RSPRY1: variants seen among roughly 807,000 people sequenced by gnomAD.
RSPRY1 encodes the protein RING finger and SPRY domain-containing protein 1.
In RSPRY1, 23 loss-of-function variants were observed where a neutral mutation model predicts 73.1. That is an observed-to-expected ratio of 0.31 (90% CI 0.23 to 0.45). The LOEUF (loss-of-function observed/expected upper bound fraction) is 0.45, where lower values mean the gene tolerates loss of function less well. RSPRY1 is among the 20% of genes least tolerant of loss of function. The pLI, the probability that RSPRY1 is intolerant of heterozygous loss-of-function variation, is 1.00. For synonymous variants in RSPRY1, 226 were observed against 251.4 expected (o/e 0.90, Z 0.95); for missense variants, 448 against 698.7 (o/e 0.64, Z 4.05).
intron 3 of RSPRY1, among the ~76,000 whole-genome samples, chr16:57,208,400 A>ATTTT (rs1455912780): frequency 4.4e-4 from 22 of 50,110 alleles, no homozygotes; most frequent in South Asian, 7.9e-4. Context: ...ATATATATAT[A>ATTTT]TTTTTTTTTT....
intron 8 of RSPRY1, chr16:57,220,334 TTATAGTTTTCATTG>T: frequency 6.1e-6 from 1 of 163,492 alleles, no homozygotes; most frequent in Non-Finnish European, 1.3e-5. Flanking sequence ...CATTAGTGTT[TTATAGTTTTCATTG>T]TAGAGATCTT....
intron 1 of RSPRY1, among the ~76,000 whole-genome samples, chr16:57,187,868 T>C (rs990275473): frequency 3.3e-5 from 5 of 152,230 alleles, no homozygotes; most frequent in African/African-American, 1.2e-4. Flanking sequence ...TACTTTGAAC[T>C]TCTTATGGTG....
chr16:57,216,305 G>T, intron 7 of RSPRY1, 132 bp downstream of exon 7: 1 of 681,502 alleles, frequency 1.5e-6, no homozygotes, highest in Non-Finnish European at 2.6e-6. Context: ...CATCTGGATA[G>T]ACACGTTAAA....
Position 57,233,674 on chromosome 16 carries a change from G to A in RSPRY1, c.1530-1450G>A, listed in dbSNP as rs1368472612. Among the ~76,000 whole-genome samples the A allele has an allele frequency of 5.9e-5, 9 of 152,104 alleles. No individual in the cohort carries two copies. The East Asian group carries it at 7.7e-4, about 13-fold the overall frequency. On this transcript the variant is annotated intron_variant, in intron 13 of 14. Transcript: ENST00000394420. The stretch of plus-strand genomic sequence containing the variant: ...CGTGAGCCACTGTGCCTGGCCCCTC[G>A]TCTGTTAATAACTCCTTTATCATCC...
chr16:57,238,830 T>G (rs2075338914), intron 14 of RSPRY1, 49 bp from the exon 15 acceptor site: 1 of 1,086,630 alleles, frequency 9.2e-7, no homozygotes, highest in Non-Finnish European at 1.3e-6. Context: ...AGTTGGAGTT[T>G]GACCTTTTGA....
chr16:57,210,691 C>G (rs1309043111), intron 4 of RSPRY1, among the ~76,000 whole-genome samples: 1 of 145,116 alleles, frequency 6.9e-6, no homozygotes, highest in Non-Finnish European at 1.5e-5. Context: ...CCAGCCTGGG[C>G]GACAAAGCGA....
chr16:57,225,020 A>T (rs1261848651), intron 10 of RSPRY1, among the ~76,000 whole-genome samples: 1 of 152,230 alleles, frequency 6.6e-6, no homozygotes, highest in Non-Finnish European at 1.5e-5. Flanking sequence ...AGCGTTTGAA[A>T]GGTGTGGCAA....
intron 11 of RSPRY1, 80 bp from the exon 12 acceptor site, chr16:57,230,631 A>T: frequency 1.3e-6 from 1 of 790,400 alleles, no homozygotes; most frequent in Non-Finnish European, 2.1e-6. Context: ...ATACAGTGCC[A>T]TTGAAACACT....
rs996984435 is a variant in RSPRY1 at position 57,239,698 on chromosome 16, A to G, written c.*723A>G. ...ATTTCAGTACCCACATTTAATGAGG[A>G]AAAAATGTTTTACCAATGAAGGAGG... On this transcript the variant is annotated 3_prime_UTR_variant, in exon 15 of 15. Transcript: ENST00000394420. 1 of 151,920 alleles carries G rather than the reference A, an allele frequency of 6.6e-6. No individual in the cohort carries two copies. Among genetic ancestry groups the G allele is most frequent in the Non-Finnish European group, 1.5e-5 (1 of 67,996 alleles). The allele number at this position is 151,920 out of a possible 1,614,324, so 9.4% of individuals were successfully genotyped here.
chr16:57,187,455 AG>A (rs556830205), intron 1 of RSPRY1, among the ~76,000 whole-genome samples: 213 of 152,306 alleles, frequency 1.4e-3, no homozygotes, highest in Middle Eastern at 6.8e-3. Flanking sequence ...TTATCGACTG[AG>A]TAGAATCCCG....
chr16:57,215,176 T>A (rs2074917082), intron 6 of RSPRY1, among the ~76,000 whole-genome samples: 1 of 151,790 alleles, frequency 6.6e-6, no homozygotes, highest in Non-Finnish European at 1.5e-5. Flanking sequence ...AGGGAAAAAA[T>A]TGGTTTCTTA....
chr16:57,227,401 G>A lies in RSPRY1; in HGVS notation c.1221G>A (p.Leu407=), dbSNP rs372813239. The stretch of plus-strand genomic sequence containing the variant: ...GTGCGTATGATGGCTGCCGGCAGCT[G>A]ATTTGGTACAATGCCAGAAGTAAGC... ...YSCAYDGCRQ[L]IWYNARSKPH... The change falls in exon 11 of 15, where the codon CTG becomes CTA. Residue 407 remains leucine (L), a synonymous_variant. Transcript: ENST00000394420. The A allele has an allele frequency of 6.2e-7, 1 of 1,614,038 alleles. No homozygotes were observed. Among genetic ancestry groups the A allele is most frequent in the South Asian group, 1.1e-5 (1 of 91,076 alleles).
chr16:57,229,545 G>C (rs1206196235), intron 11 of RSPRY1, among the ~76,000 whole-genome samples: 3 of 151,966 alleles, frequency 2.0e-5, no homozygotes, highest in Non-Finnish European at 2.9e-5. Context: ...CTTGAGCCCA[G>C]GAGTTTGAGG....
chr16:57,230,199 C>T (rs750823953), intron 11 of RSPRY1, among the ~76,000 whole-genome samples: 4 of 150,354 alleles, frequency 2.7e-5, no homozygotes, highest in Admixed American at 1.3e-4. Flanking sequence ...TTAGTAGAGA[C>T]GGGGTTTCAC....
rs569989186 is a variant in RSPRY1, at chr16:57,226,328, T to G, written c.1162-1014T>G. On this transcript the variant is annotated intron_variant, in intron 10 of 14. Transcript: ENST00000394420. Reference sequence around the variant, plus strand: ...TTTGGACCTCGCGCAAGAAAGAATTTGGGGCGAATCCATAGAATAAAGTGT... The same window carrying G: ...TTTGGACCTCGCGCAAGAAAGAATTGGGGGCGAATCCATAGAATAAAGTGT... Among the ~76,000 whole-genome samples, 7 of 152,314 alleles carry G rather than the reference T, an allele frequency of 4.6e-5. No homozygotes were observed. The South Asian group carries it at 1.2e-3, about 27-fold the overall frequency.
chr16:57,208,935 AT>A, intron 3 of RSPRY1, 139 bp from the exon 4 acceptor site: 1 of 585,296 alleles, frequency 1.7e-6, no homozygotes, highest in Non-Finnish European at 3.0e-6. Context: ...GCAATTGATG[AT>A]TATGTCCATG....
At position 57,186,466 on chromosome 16, in the gene RSPRY1, C is replaced by G. The variant is rs1342569062; in HGVS notation, c.-156+15C>G. The G allele has an allele frequency of 1.3e-5, 2 of 154,502 alleles. No homozygotes were observed. The highest frequency in any genetic ancestry group is 2.9e-5 in the Non-Finnish European group (2 of 69,200). 9.6% of individuals were successfully genotyped at this position (154,502 alleles called of 1,614,324 possible). On this transcript the variant is annotated intron_variant, in intron 1 of 14. Transcript: ENST00000394420. The stretch of plus-strand genomic sequence containing the variant: ...AGGTAGAGAAAGTCAGTGCCACAGC[C>G]CGACCGCGCTGCTCTGAGCCCTGGG...
At chr16:57,213,723 T>G (rs1344779555) in intron 5 of RSPRY1, among the ~76,000 whole-genome samples, 165 bp from the exon 6 acceptor site, 3 of 152,222 alleles carry the variant, frequency 2.0e-5, no homozygotes, top group Non-Finnish European at 4.4e-5. Context: ...GTGGGCTCAC[T>G]TGCTTAACTG....
intron 6 of RSPRY1, among the ~76,000 whole-genome samples, chr16:57,214,851 A>C (rs982528879): frequency 1.3e-5 from 2 of 152,224 alleles, no homozygotes; most frequent in Non-Finnish European, 2.9e-5. Flanking sequence ...CAACATGGCG[A>C]AACCTGGTCC....
Sources: allele counts gnomAD v4.1 joint callset (sites outside exome capture counted in the v4.1 genomes callset), GRCh38; gene constraint gnomAD v4.1.1; transcripts MANE v1.5; gene names NCBI Gene and HGNC (gene_info 2026-07-23, HGNC 2026-07-21).